ZNF503: variants seen among roughly 807,000 people sequenced by gnomAD.
ZNF503 encodes the protein NocA-like zinc finger 2.
In ZNF503, 15 loss-of-function variants were observed where a neutral mutation model predicts 34.4. The ratio of observed to expected loss-of-function variants is 0.44; its 90% CI spans 0.29 to 0.67. The LOEUF is 0.67. Among genes scored for constraint, ZNF503 ranks in the 30% least tolerant of loss-of-function variants. The pLI, the probability that ZNF503 is intolerant of heterozygous loss-of-function variation, is 0.13. For synonymous variants in ZNF503, 580 were observed against 456.8 expected, an observed-to-expected ratio of 1.27 and a Z score of -3.44; for missense variants, 1,007 against 926.8, an observed-to-expected ratio of 1.09 and a Z score of -1.12.
chr10:75,355,824 G>A, the ZNF503 span, among the ~76,000 whole-genome samples: 8 of 152,200 alleles, frequency 5.3e-5, 1 homozygote, highest in East Asian at 1.5e-3. Flanking sequence ...CTTTGTCTCT[G>A]CTCCACAGCA....
rs1046621767 is a variant in ZNF503, at chr10:75,399,101, G to A, written c.1589C>T (p.Ala530Val). ...SANGPCDKRF[A>V]TSEELLSHLR... is the part of the protein sequence containing the mutation. ...GTGGCTCAGCAGCTCTTCGGACGTG[G>A]CGAAGCGCTTGTCGCACGGCCCGTT... The change falls in exon 2 of 2, where the codon GCC becomes GTC. Residue 530 changes from alanine to valine, a missense_variant. By Grantham distance (64) the Ala-to-Val change is moderately conservative. Coordinates refer to ENST00000372524, the MANE Select transcript of ZNF503 (RefSeq NM_032772.6). 2 of 1,613,724 alleles carry A rather than the reference G, an allele frequency of 1.2e-6. No homozygotes were observed. Among genetic ancestry groups the A allele is most frequent in the Non-Finnish European group, 1.7e-6 (2 of 1,179,840 alleles).
chr10:75,337,440 C>T, the ZNF503 span, among the ~76,000 whole-genome samples: 13 of 151,432 alleles, frequency 8.6e-5, no homozygotes, highest in Admixed American at 3.3e-4. Flanking sequence ...CTGGCCAACA[C>T]GGTGAAACCC....
At position 75,401,536 on chromosome 10, in the gene ZNF503, G is replaced by A. The variant is rs1471400552; in HGVS notation, c.-117C>T. 12 of 1,258,856 alleles carry A rather than the reference G, an allele frequency of 9.5e-6. No homozygotes were observed. The highest frequency in any genetic ancestry group is 1.3e-5 in the Non-Finnish European group (12 of 925,570). 78.0% of individuals were successfully genotyped at this position (1,258,856 alleles called of 1,614,324 possible). A position where few individuals can be genotyped will look rare whatever the true frequency, so the allele number is the denominator to read the frequency against. ...CAGCGGGAGGAGGAGGAGCTGGCGC[G>A]GCGGCCACGGGCGCCCAGCGCGCCT... is the stretch of plus-strand genomic sequence containing the variant. On this transcript the variant is annotated 5_prime_UTR_variant, in exon 1 of 2. Transcript: ENST00000372524.
chr10:75,300,370 T>G, the ZNF503 span, among the ~76,000 whole-genome samples: 2 of 152,186 alleles, frequency 1.3e-5, no homozygotes, highest in Non-Finnish European at 2.9e-5. Context: ...CTACAATTTG[T>G]GCAGTTAACG....
the ZNF503 span, among the ~76,000 whole-genome samples, chr10:75,369,314 A>G: frequency 6.6e-6 from 1 of 152,184 alleles, no homozygotes. Context: ...CCCAAATCTC[A>G]TCTTGAATTG....
At chr10:75,383,002 A>C in the ZNF503 span, among the ~76,000 whole-genome samples, 1 of 152,050 alleles carries the variant, frequency 6.6e-6, no homozygotes, top group African/African-American at 2.4e-5. Flanking sequence ...CATCCTTCTT[A>C]CTGATATCTG....
chr10:75,358,107 T>C, the ZNF503 span, among the ~76,000 whole-genome samples: 1 of 152,200 alleles, frequency 6.6e-6, no homozygotes, highest in African/African-American at 2.4e-5. Flanking sequence ...ATGGCCAGGA[T>C]GACTTTGCTA....
chr10:75,379,401 G>C, the ZNF503 span, among the ~76,000 whole-genome samples: 1 of 152,208 alleles, frequency 6.6e-6, no homozygotes, highest in African/African-American at 2.4e-5. Context: ...AATGTCATTT[G>C]CTTGATGCAG....
chr10:75,324,794 C>T, the ZNF503 span, among the ~76,000 whole-genome samples: 1 of 152,146 alleles, frequency 6.6e-6, no homozygotes, highest in Non-Finnish European at 1.5e-5. Flanking sequence ...ATTTTATTCC[C>T]ATGCTTATTT....
the ZNF503 span, among the ~76,000 whole-genome samples, chr10:75,383,247 A>G: frequency 6.6e-6 from 1 of 152,144 alleles, no homozygotes; most frequent in African/African-American, 2.4e-5. Flanking sequence ...GCCTCTTGAC[A>G]GAGCACCCAT....
the ZNF503 span, among the ~76,000 whole-genome samples, chr10:75,333,237 C>T: frequency 1.4e-5 from 1 of 70,032 alleles, no homozygotes; most frequent in Admixed American, 1.3e-4. Flanking sequence ...GGGGGGCTGA[C>T]CCCCCCCACC....
At chr10:75,313,333 G>T in the ZNF503 span, among the ~76,000 whole-genome samples, 27 of 152,180 alleles carry the variant, frequency 1.8e-4, no homozygotes, top group Non-Finnish European at 3.4e-4. Context: ...CAGAAGGGTA[G>T]GAAGAACAGT....
the ZNF503 span, among the ~76,000 whole-genome samples, chr10:75,280,873 G>A: frequency 6.6e-6 from 1 of 152,140 alleles, no homozygotes; most frequent in Non-Finnish European, 1.5e-5. Context: ...TAGAAATTAG[G>A]CAGGGGAAGA....
chr10:75,382,374 G>A, the ZNF503 span: 1 of 289,400 alleles, frequency 3.5e-6, no homozygotes, highest in South Asian at 4.6e-5. Flanking sequence ...TTTCCTGGAG[G>A]TAAAAGCAGT....
the ZNF503 span, among the ~76,000 whole-genome samples, chr10:75,329,203 C>G: frequency 6.6e-6 from 1 of 151,790 alleles, no homozygotes; most frequent in Non-Finnish European, 1.5e-5. Context: ...TAATTTCTTT[C>G]TTGGCTAGTT....
chr10:75,393,219 G>A (rs942122909), downstream of ZNF503, among the ~76,000 whole-genome samples: 4 of 152,214 alleles, frequency 2.6e-5, no homozygotes, highest in Admixed American at 2.6e-4. Context: ...CCAGCATGGG[G>A]TAGGATTAAG....
At chr10:75,376,287 TC>T in the ZNF503 span, among the ~76,000 whole-genome samples, 1 of 152,260 alleles carries the variant, frequency 6.6e-6, no homozygotes, top group South Asian at 2.1e-4. Flanking sequence ...TACACCTCCT[TC>T]CTTGCCCCAC....
chr10:75,305,749 G>A, the ZNF503 span, among the ~76,000 whole-genome samples: 5 of 152,200 alleles, frequency 3.3e-5, no homozygotes, highest in African/African-American at 1.2e-4. Context: ...CCTCATAGAG[G>A]TGGAATCATA....
the ZNF503 span, among the ~76,000 whole-genome samples, chr10:75,325,867 T>C: frequency 6.6e-6 from 1 of 151,822 alleles, no homozygotes; most frequent in African/African-American, 2.4e-5. Flanking sequence ...TATTGCTTTT[T>C]TTTTTTTTTG....
Sources: gnomAD v4.1 joint callset for allele counts (sites outside exome capture counted in the v4.1 genomes callset) on GRCh38, gnomAD v4.1.1 for gene constraint, MANE v1.5 for transcripts, NCBI Gene and HGNC (gene_info 2026-07-23, HGNC 2026-07-21) for gene names.